Variants in POGZ observed in about 807,000 individuals in gnomAD.
POGZ encodes pogo transposable element derived with ZNF domain.
POGZ carries 17 observed loss-of-function variants against 134.6 expected under a neutral mutation model. The observed-to-expected ratio is 0.13, with a 90% CI of 0.09 to 0.19. The LOEUF (loss-of-function observed/expected upper bound fraction) is 0.19. Among genes scored for constraint, POGZ ranks in the 10% least tolerant of loss-of-function variants. POGZ has a pLI of 1.00. For missense variants in POGZ, 1,306 were observed against 1,769.7 expected (o/e 0.74, Z 4.70); for synonymous variants, 693 against 657.1 (o/e 1.05, Z -0.84).
At position 151,403,695 on chromosome 1, in the gene POGZ, G is replaced by C. The variant is rs1653093472; in HGVS notation, c.*1107C>G. ...TGTCAGATTCTTCCCTAAGTATTAAGAGAAATAGGGGAAAGCCACAGAGCA... is the reference window on the plus strand; with the variant it reads ...TGTCAGATTCTTCCCTAAGTATTAACAGAAATAGGGGAAAGCCACAGAGCA... On this transcript the variant is annotated 3_prime_UTR_variant, in exon 19 of 19. Coordinates refer to ENST00000271715, the MANE Select transcript of POGZ (RefSeq NM_015100.4). 1 of 985,696 alleles carries C rather than the reference G, an allele frequency of 1.0e-6. No individual in the cohort carries two copies. Among genetic ancestry groups the C allele is most frequent in the Non-Finnish European group, 1.2e-6 (1 of 829,898 alleles). The allele number at this position is 985,696 out of a possible 1,614,324, so 61.1% of individuals were successfully genotyped here.
chr1:151,411,947 G>C, intron 11 of POGZ, 176 bp from the exon 12 acceptor site: 1 of 575,756 alleles, frequency 1.7e-6, no homozygotes, highest in Non-Finnish European at 3.0e-6. Context: ...GATAGGTTTA[G>C]CTATTACTTT....
At chr1:151,450,716 C>T (rs1430260564) in intron 1 of POGZ, among the ~76,000 whole-genome samples, 6 of 152,044 alleles carry the variant, frequency 3.9e-5, no homozygotes, top group African/African-American at 1.5e-4. Flanking sequence ...GTTACTTTTG[C>T]TACATATAAA....
chr1:151,420,487 A>T (rs1656701837), intron 10 of POGZ, among the ~76,000 whole-genome samples: 1 of 151,664 alleles, frequency 6.6e-6, no homozygotes, highest in Non-Finnish European at 1.5e-5. Flanking sequence ...CAATTTTTGT[A>T]TTTTTTTTGT....
chr1:151,449,723 C>T (rs949178236), intron 1 of POGZ, among the ~76,000 whole-genome samples: 7 of 151,956 alleles, frequency 4.6e-5, no homozygotes, highest in East Asian at 3.9e-4. Flanking sequence ...GGTGAAACCC[C>T]GTCTCTATTA....
intron 10 of POGZ, among the ~76,000 whole-genome samples, chr1:151,413,536 G>C (rs1269420902): frequency 1.3e-5 from 2 of 152,060 alleles, no homozygotes; most frequent in Non-Finnish European, 2.9e-5. Context: ...TCAAGTTTTT[G>C]CAAATATGAA....
At chr1:151,429,453 A>G in intron 5 of POGZ, 150 bp downstream of exon 5, 1 of 432,316 alleles carries the variant, frequency 2.3e-6, no homozygotes, top group Admixed American at 4.1e-5. Flanking sequence ...TTAGAAGCAG[A>G]TTTTTTAAAA....
intron 1 of POGZ, among the ~76,000 whole-genome samples, chr1:151,449,760 G>C (rs1336263043): frequency 1.3e-5 from 2 of 152,044 alleles, no homozygotes; most frequent in African/African-American, 2.4e-5. Context: ...GCCAGGCGTG[G>C]TGGCGGCCGC....
chr1:151,412,929 G>GA (rs1201742399), intron 10 of POGZ, among the ~76,000 whole-genome samples: 1 of 151,934 alleles, frequency 6.6e-6, no homozygotes, highest in Non-Finnish European at 1.5e-5. Context: ...AAGCTTATGA[G>GA]AAAAAATTTT....
Position 151,408,424 on chromosome 1 carries a change from C to G in POGZ, c.2219G>C (p.Arg740Thr). The G allele has an allele frequency of 6.3e-7, 1 of 1,591,300 alleles. No individual in the cohort carries two copies. The part of the protein sequence containing the change: ...YPPVQRSIQK[R>T]AVRKMSVMGR... Reference sequence around the variant, plus strand: ...AGGCGCTGACATTTTCCTAACAGCTCTCTTCTGGATGCTGCGCTGGACAGG... The same window carrying G: ...AGGCGCTGACATTTTCCTAACAGCTGTCTTCTGGATGCTGCGCTGGACAGG... Residue 740 changes from arginine to threonine, a missense_variant, in exon 14 of 19, where the codon AGA becomes ACA. This residue lies in a region of POGZ where 149 missense variants were observed against 237.5 expected (regional missense o/e 0.63). Coordinates refer to ENST00000271715, the MANE Select transcript of POGZ (RefSeq NM_015100.4).
chr1:151,434,433 G>A lies in POGZ; in HGVS notation c.284-3592C>T, dbSNP rs551843340. ...AGGGTGCAGTGAGCCAGCTGTGTTC[G>A]TGCCACTACTGCACTCCAGCCTGGG... On this transcript the variant is annotated intron_variant, in intron 3 of 18. Coordinates refer to ENST00000271715, the MANE Select transcript of POGZ (RefSeq NM_015100.4). 7.2e-5 allele frequency among the ~76,000 whole-genome samples: 11 copies of A among 152,142 alleles called. 1 individual carries two copies. The South Asian group carries it at 1.5e-3, about 20-fold the overall frequency.
chr1:151,440,090 A>T (rs1482034881), intron 3 of POGZ, among the ~76,000 whole-genome samples: 2 of 152,222 alleles, frequency 1.3e-5, no homozygotes, highest in South Asian at 4.1e-4. Context: ...TAACATATAG[A>T]TGTATATAAA....
At chr1:151,423,587 T>TA in intron 9 of POGZ, 36 bp from the exon 10 acceptor site, 1 of 1,535,182 alleles carries the variant, frequency 6.5e-7, no homozygotes, top group Non-Finnish European at 8.9e-7. Flanking sequence ...ACAGAAAACA[T>TA]AAAAAATTGG....
intron 2 of POGZ, among the ~76,000 whole-genome samples, chr1:151,441,622 C>A (rs1453043868): frequency 6.6e-6 from 1 of 152,108 alleles, no homozygotes; most frequent in African/African-American, 2.4e-5. Flanking sequence ...AGCTAACAAG[C>A]CTAAATTTGT....
chr1:151,408,932 C>T (rs1424059528), intron 12 of POGZ, 104 bp from the exon 13 acceptor site: 1 of 963,384 alleles, frequency 1.0e-6, no homozygotes, highest in Non-Finnish European at 1.6e-6. Context: ...ATCATTCTTC[C>T]CACCTTTCTG....
chr1:151,424,337 G>A (rs1262814452), intron 8 of POGZ, 51 bp from the exon 9 acceptor site: 2 of 1,139,442 alleles, frequency 1.8e-6, no homozygotes, highest in Non-Finnish European at 2.5e-6. Context: ...GCTAGAATGT[G>A]CTAACTCCTT....
At chr1:151,453,572 TC>T (rs545977785) in intron 1 of POGZ, among the ~76,000 whole-genome samples, 157 of 152,348 alleles carry the variant, frequency 1.0e-3, no homozygotes, top group African/African-American at 3.6e-3. Context: ...CTTCCATTAA[TC>T]CATTATTTGA....
intron 8 of POGZ, among the ~76,000 whole-genome samples, chr1:151,424,651 TAAC>T (rs1657474487): frequency 1.3e-5 from 2 of 152,270 alleles, no homozygotes; most frequent in South Asian, 4.1e-4. Context: ...ATGACACAAT[TAAC>T]AAAAATGAAC....
chr1:151,434,526 C>T (rs1025395001), intron 3 of POGZ, among the ~76,000 whole-genome samples: 5 of 152,104 alleles, frequency 3.3e-5, no homozygotes, highest in African/African-American at 1.2e-4. Flanking sequence ...TAAAACAATC[C>T]ACCTCAGTGA....
intron 1 of POGZ, among the ~76,000 whole-genome samples, chr1:151,445,214 C>A (rs190504933): frequency 1.2e-4 from 18 of 152,148 alleles, no homozygotes. Flanking sequence ...AATTAAAAGA[C>A]TCAAAATGAA....
Sources: gnomAD v4.1 joint callset for allele counts (sites outside exome capture counted in the v4.1 genomes callset) on GRCh38, gnomAD v4.1.1 for gene constraint, gnomAD v4.1.1 regional missense constraint, MANE v1.5 for transcripts, NCBI Gene and HGNC (gene_info 2026-07-23, HGNC 2026-07-21) for gene names.